Variants in INTS9 observed in about 807,000 individuals in gnomAD.
The protein encoded by INTS9 is integrator complex subunit 9.
A neutral mutation model predicts 79.7 loss-of-function variants in INTS9; 55 were observed. That is an observed-to-expected ratio of 0.69 (90% CI 0.56 to 0.86). The LOEUF is 0.86. Ranked by LOEUF, INTS9 falls within the 40% of genes least tolerant of loss-of-function variation. The probability of loss-of-function intolerance (pLI) is 0.00; values close to 1 mark genes in which losing one functional copy is unlikely to be tolerated. For missense variants in INTS9, 721 were observed against 831.5 expected, an observed-to-expected ratio of 0.87 and a Z score of 1.64; for synonymous variants, 319 against 325.2, an observed-to-expected ratio of 0.98 and a Z score of 0.20.
At chr8:28,799,157 G>A (rs543450587) in intron 8 of INTS9, among the ~76,000 whole-genome samples, 50 of 152,160 alleles carry the variant, frequency 3.3e-4, no homozygotes, top group Middle Eastern at 3.4e-3. Context: ...TTAGCTAGGC[G>A]TGCTGGCGGG....
chr8:28,852,608 G>A (rs1585476277), intron 2 of INTS9, among the ~76,000 whole-genome samples: 1 of 152,254 alleles, frequency 6.6e-6, no homozygotes, highest in East Asian at 1.9e-4. Flanking sequence ...AAAGAGAACT[G>A]GATCAAAGGA....
rs748032524 is a variant in INTS9 at position 28,794,000 on chromosome 8, A to T, written c.857-13T>A. On this transcript the variant is annotated splice_polypyrimidine_tract_variant and intron_variant, in intron 9 of 16. Coordinates refer to ENST00000521022, the MANE Select transcript of INTS9 (RefSeq NM_018250.4). ...CGGACTGTCAGAGCTAGAAAAGTGGATGCCAGAGGAGAAAAAACATCATAT... is the reference window on the plus strand; with the variant it reads ...CGGACTGTCAGAGCTAGAAAAGTGGTTGCCAGAGGAGAAAAAACATCATAT... 1 of 1,527,110 alleles carries T rather than the reference A, an allele frequency of 6.5e-7. No homozygotes were observed. Among genetic ancestry groups the T allele is most frequent in the South Asian group, 1.3e-5 (1 of 78,508 alleles). The allele number at this position is 1,527,110 out of a possible 1,614,324, so 94.6% of individuals were successfully genotyped here.
intron 1 of INTS9, among the ~76,000 whole-genome samples, chr8:28,872,937 CATA>C (rs1809175609): frequency 6.6e-6 from 1 of 152,020 alleles, no homozygotes; most frequent in East Asian, 1.9e-4. Flanking sequence ...GCAGGTATAC[CATA>C]ATGACTGATT....
At chr8:28,861,198 T>A (rs1229163560) in intron 1 of INTS9, among the ~76,000 whole-genome samples, 1 of 152,246 alleles carries the variant, frequency 6.6e-6, no homozygotes, top group Non-Finnish European at 1.5e-5. Flanking sequence ...ACACTTTACA[T>A]AAGTTCCTTC....
At chr8:28,850,060 C>A in intron 3 of INTS9, 153 bp downstream of exon 3, 1 of 519,464 alleles carries the variant, frequency 1.9e-6, no homozygotes, top group Non-Finnish European at 3.5e-6. Context: ...CAGCAGTTAC[C>A]ATGTTCTGAA....
intron 1 of INTS9, among the ~76,000 whole-genome samples, chr8:28,864,228 G>C (rs1808611204): frequency 6.6e-6 from 1 of 152,192 alleles, no homozygotes; most frequent in South Asian, 2.1e-4. Context: ...ACAGATGCCA[G>C]AAGACAATTG....
intron 1 of INTS9, chr8:28,862,200 G>A: frequency 1.0e-6 from 1 of 985,280 alleles, no homozygotes; most frequent in Non-Finnish European, 1.2e-6. Context: ...ATCATCTACT[G>A]AGGGTTATGA....
intron 2 of INTS9, among the ~76,000 whole-genome samples, chr8:28,851,789 TA>T (rs1181772471): frequency 2.0e-5 from 3 of 152,118 alleles, no homozygotes; most frequent in African/African-American, 7.2e-5. Flanking sequence ...ATTCTGACAT[TA>T]ATTCCAAACT....
chr8:28,768,809 G>A (rs141136634), intron 16 of INTS9, among the ~76,000 whole-genome samples: 6 of 152,360 alleles, frequency 3.9e-5, no homozygotes, highest in East Asian at 1.9e-4. Flanking sequence ...CAAATCAGAC[G>A]TGACATGGAA....
rs1554497138 is a variant in INTS9, at chr8:28,796,810, T to C, written c.745-155A>G. On this transcript the variant is annotated intron_variant, in intron 8 of 16. Coordinates refer to ENST00000521022, the MANE Select transcript of INTS9 (RefSeq NM_018250.4). The stretch of plus-strand genomic sequence containing the variant: ...TAAGGAATAGTCTGTCCTTAACCAC[T>C]GGCTGCCTAAGTTGGGTGGGGACTG... 5.1e-6 allele frequency: 3 copies of C among 588,820 alleles called. No homozygotes were observed. In the South Asian group the frequency reaches 6.4e-5, roughly 12 times the overall value. The allele number at this position is 588,820 out of a possible 1,614,324, so 36.5% of individuals were successfully genotyped here. A position where few individuals can be genotyped will look rare whatever the true frequency, so the allele number is the denominator to read the frequency against.
chr8:28,861,284 C>G (rs541109947), intron 1 of INTS9, among the ~76,000 whole-genome samples: 2 of 152,208 alleles, frequency 1.3e-5, no homozygotes, highest in Non-Finnish European at 1.5e-5. Context: ...CACCCTCCAT[C>G]TGGTTCCCTA....
intron 1 of INTS9, among the ~76,000 whole-genome samples, chr8:28,868,960 G>A (rs1330294382): frequency 2.0e-5 from 3 of 152,070 alleles, no homozygotes; most frequent in African/African-American, 4.8e-5. Context: ...TTCGCTGGGC[G>A]TGGTGGCACG....
chr8:28,851,375 C>T (rs1053449619), intron 2 of INTS9, among the ~76,000 whole-genome samples: 1 of 151,892 alleles, frequency 6.6e-6, no homozygotes, highest in African/African-American at 2.4e-5. Flanking sequence ...AATATAAATG[C>T]ATCTATTTTC....
chr8:28,835,003 A>G (rs1387157369), intron 6 of INTS9, among the ~76,000 whole-genome samples: 1 of 152,206 alleles, frequency 6.6e-6, no homozygotes. Flanking sequence ...AAGACATGCC[A>G]TGCAAACTGT....
intron 4 of INTS9, among the ~76,000 whole-genome samples, chr8:28,841,257 C>G (rs182339256): frequency 6.6e-6 from 1 of 152,166 alleles, no homozygotes; most frequent in African/African-American, 2.4e-5. Context: ...TGAAGGACCA[C>G]GTAACTGTTT....
rs768680092 is a variant in INTS9, at chr8:28,770,992, T to C, written c.1652A>G (p.His551Arg). 31 of 1,612,990 alleles carry C rather than the reference T, an allele frequency of 1.9e-5. No homozygotes were observed. Among genetic ancestry groups the C allele is most frequent in the Non-Finnish European group, 2.5e-5 (30 of 1,179,780 alleles). ...CCCAGCACCCCCTACCTGAAGCAAG[T>C]GCTTGTTATCTTTGGTGTGCAGCAC... ...SAVLHTKDNK[H>R]LLQPPPRPAQ... Residue 551 changes from histidine (H) to arginine (R), a missense_variant, in exon 15 of 17, where the codon CAC becomes CGC. Physicochemically the swap from His to Arg is conservative, Grantham distance 29. This residue lies in a region of INTS9 where 281 missense variants were observed against 300.8 expected (regional missense o/e 0.93). Coordinates refer to ENST00000521022, the MANE Select transcript of INTS9 (RefSeq NM_018250.4).
chr8:28,824,915 A>G (rs1204076682), intron 6 of INTS9, among the ~76,000 whole-genome samples: 9 of 152,248 alleles, frequency 5.9e-5, no homozygotes, highest in Non-Finnish European at 1.3e-4. Flanking sequence ...GATATATAAT[A>G]TAATGCATGT....
intron 8 of INTS9, among the ~76,000 whole-genome samples, chr8:28,803,469 T>C (rs1448778104): frequency 6.6e-6 from 1 of 152,244 alleles, no homozygotes; most frequent in Non-Finnish European, 1.5e-5. Flanking sequence ...CTATTAGTAT[T>C]ACCATTTTTA....
intron 10 of INTS9, among the ~76,000 whole-genome samples, chr8:28,788,896 TA>T (rs1316722930): frequency 6.6e-6 from 1 of 152,240 alleles, no homozygotes; most frequent in African/African-American, 2.4e-5. Context: ...TCACAGTTGA[TA>T]AATCAATATA....
Sources: allele counts gnomAD v4.1 joint callset (sites outside exome capture counted in the v4.1 genomes callset), GRCh38; gene constraint gnomAD v4.1.1; regional missense constraint gnomAD v4.1.1; transcripts MANE v1.5; gene names NCBI Gene and HGNC (gene_info 2026-07-23, HGNC 2026-07-21).